The following TRMT5 variants were observed in gnomAD, a reference collection of about 807,000 sequenced individuals.
TRMT5 encodes the protein tRNA methyltransferase 5, also known as tRNA (guanine(37)-N(1))-methyltransferase.
In TRMT5, 31 loss-of-function variants were observed where a neutral mutation model predicts 42.2. That is an observed-to-expected ratio of 0.73 (90% CI 0.55 to 0.99). TRMT5 has a LOEUF of 0.99. Ranked by LOEUF, TRMT5 falls within the 50% of genes least tolerant of loss-of-function variation. The pLI, the probability that TRMT5 is intolerant of heterozygous loss-of-function variation, is 0.00. For synonymous variants in TRMT5, 198 were observed against 209.6 expected (o/e 0.94, Z 0.48); for missense variants, 568 against 595.0 (o/e 0.95, Z 0.47).
intron 1 of TRMT5, 65 bp downstream of exon 1, chr14:60,980,898 G>C (rs780387473): frequency 1.9e-6 from 3 of 1,608,906 alleles, no homozygotes; most frequent in Non-Finnish European, 2.5e-6. Context: ...ACATGGCAGA[G>C]AGCAGCCCTG....
rs143092091 is a variant in TRMT5 at position 60,977,402 on chromosome 14, T to A, written c.792+112A>T. Reference sequence around the variant, plus strand: ...TCAATAGCATACATAAGTGATCACATTCTCACATACTCACCAACACTGGAT... The same window carrying A: ...TCAATAGCATACATAAGTGATCACAATCTCACATACTCACCAACACTGGAT... On this transcript the variant is annotated intron_variant, in intron 3 of 4. Transcript: ENST00000261249. 1,363 of 1,089,894 alleles carry A rather than the reference T, an allele frequency of 1.3e-3. 17 individuals carry two copies. In the African/African-American group the frequency reaches 0.018, roughly 14 times the overall value. The allele number at this position is 1,089,894 out of a possible 1,614,324, so 67.5% of individuals were successfully genotyped here. A position where few individuals can be genotyped will look rare whatever the true frequency, so the allele number is the denominator to read the frequency against.
chr14:60,976,212 G>A (rs2036844880), intron 3 of TRMT5, 86 bp from the exon 4 acceptor site: 2 of 1,431,332 alleles, frequency 1.4e-6, no homozygotes, highest in Non-Finnish European at 1.9e-6. Flanking sequence ...TATACACACA[G>A]GCAAACACAT....
chr14:60,975,648 T>C lies in TRMT5; in HGVS notation c.1271A>G (p.Asp424Gly). ...CCGAACATCCTCAGCAGGGTTAGCATCTTTGGAAAAGCTATAACAATGCAC... is the reference window on the plus strand; with the variant it reads ...CCGAACATCCTCAGCAGGGTTAGCACCTTTGGAAAAGCTATAACAATGCAC... ...PIVHCYSFSK[D>G]ANPAEDVRQR... Residue 424 changes from aspartate to glycine, a missense_variant, in exon 4 of 5, where the codon GAT (aspartate) becomes GGT (glycine). By Grantham distance (94) the Asp-to-Gly change is moderately conservative (BLOSUM62 -1). Coordinates refer to ENST00000261249, the MANE Select transcript of TRMT5 (RefSeq NM_020810.3). 6.2e-7 allele frequency: 1 copy of C among 1,614,200 alleles called. No homozygotes were observed. Among genetic ancestry groups the C allele is most frequent in the East Asian group, 2.2e-5 (1 of 44,888 alleles).
upstream of TRMT5, chr14:60,981,387 G>A (rs1434822877): frequency 1.9e-6 from 3 of 1,588,666 alleles, no homozygotes; most frequent in Non-Finnish European, 2.6e-6. Context: ...AGCAACGTAA[G>A]TGGGCTGTGT....
upstream of TRMT5, chr14:60,981,095 C>T: frequency 6.3e-7 from 1 of 1,594,476 alleles, no homozygotes. Context: ...CATCACTGTT[C>T]GCCGCGAAGA....
chr14:60,979,735 T>A lies in TRMT5; in HGVS notation c.163A>T (p.Lys55Ter). The A allele has an allele frequency of 6.2e-7, 1 of 1,614,154 alleles. No homozygotes were observed. The highest frequency in any genetic ancestry group is 8.5e-7 in the Non-Finnish European group (1 of 1,180,022). Reference sequence around the variant, plus strand: ...GTTTCTGGCATGGTTGAGAATCTTTTTCTTTGACCCAATAAGAAAATACCA... The same window carrying A: ...GTTTCTGGCATGGTTGAGAATCTTTATCTTTGACCCAATAAGAAAATACCA... ...APGIFLLGQR[K>*]RFSTMPETET... The change falls in exon 2 of 5, where the codon AAA becomes TAA. Residue 55 changes from lysine (K) to a stop codon, truncating the protein, a stop_gained. Coordinates refer to ENST00000261249, the MANE Select transcript of TRMT5 (RefSeq NM_020810.3). LOFTEE classifies it high-confidence loss of function.
chr14:60,978,969 A>C (rs1267249237), intron 2 of TRMT5, among the ~76,000 whole-genome samples: 1 of 152,134 alleles, frequency 6.6e-6, no homozygotes, highest in African/African-American at 2.4e-5. Context: ...GTAGCTGCCA[A>C]AGCATGTGAT....
In TRMT5 at chr14:60,978,586, A is replaced by G. The variant is rs558786404; in HGVS notation, c.667+645T>C. Among the ~76,000 whole-genome samples the G allele has an allele frequency of 1.6e-4, 24 of 152,348 alleles. No individual in the cohort carries two copies. In the East Asian group the frequency reaches 4.4e-3, roughly 28 times the overall value. ...ACTGTATGAAAATGTTTCACTTTTA[A>G]TGTATGAGTGCCTCTATGAAAGAAA... On this transcript the variant is annotated intron_variant, in intron 2 of 4. Transcript: ENST00000261249.
rs780920724 is a variant in TRMT5 at position 60,974,618 on chromosome 14, G to C, written c.*491C>G. The C allele has an allele frequency of 2.6e-5, 4 of 152,098 alleles. No individual in the cohort carries two copies. The East Asian group carries it at 7.7e-4, about 29-fold the overall frequency. 9.4% of individuals were successfully genotyped at this position (152,098 alleles called of 1,614,324 possible). A position where few individuals can be genotyped will look rare whatever the true frequency, so the allele number is the denominator to read the frequency against. The stretch of plus-strand genomic sequence containing the variant: ...GATTATTTTTCAACCAATGGAAAAC[G>C]TAAGAACATTATTAGGCCACAGGCC... On this transcript the variant is annotated 3_prime_UTR_variant, in exon 5 of 5. Transcript: ENST00000261249.
rs2036823561 is a variant in TRMT5, at chr14:60,975,052, A to T, written c.*57T>A. On this transcript the variant is annotated 3_prime_UTR_variant, in exon 5 of 5. Transcript: ENST00000261249. The stretch of plus-strand genomic sequence containing the variant: ...AAACCCTAAAATTTTATTAAATAAT[A>T]CAAATTCTATTTCACTACATGTAAG... 7.2e-7 allele frequency: 1 copy of T among 1,391,710 alleles called. No individual in the cohort carries two copies. Among genetic ancestry groups the T allele is most frequent in the Non-Finnish European group, 9.9e-7 (1 of 1,014,900 alleles). 86.2% of individuals were successfully genotyped at this position (1,391,710 alleles called of 1,614,324 possible).
intron 3 of TRMT5, among the ~76,000 whole-genome samples, chr14:60,977,056 C>A (rs2036857302): frequency 6.6e-6 from 1 of 151,992 alleles, no homozygotes; most frequent in Admixed American, 6.6e-5. Context: ...CTTCTCCCAA[C>A]CATATCAGAT....
upstream of TRMT5, chr14:60,981,496 C>T (rs1397887405): frequency 6.5e-6 from 10 of 1,536,156 alleles, no homozygotes; most frequent in Non-Finnish European, 8.7e-6. Flanking sequence ...ATGCTGGAGC[C>T]TGAACCCTGG....
chr14:60,973,853 C>T lies in TRMT5; in HGVS notation c.*1256G>A, dbSNP rs574172669. The T allele has an allele frequency of 2.6e-5, 4 of 152,340 alleles. No individual in the cohort carries two copies. The highest frequency in any genetic ancestry group is 9.6e-5 in the African/African-American group (4 of 41,578). The allele number at this position is 152,340 out of a possible 1,614,324, so 9.4% of individuals were successfully genotyped here. Reference sequence around the variant, plus strand: ...TTCACACCATCAATAAATGGCTTTGCTTGGCTAACAAATGATTGACTTAGA... The same window carrying T: ...TTCACACCATCAATAAATGGCTTTGTTTGGCTAACAAATGATTGACTTAGA... On this transcript the variant is annotated 3_prime_UTR_variant, in exon 5 of 5. Coordinates refer to ENST00000261249, the MANE Select transcript of TRMT5 (RefSeq NM_020810.3).
intron 1 of TRMT5, chr14:60,980,759 G>A (rs1333620644): frequency 1.4e-6 from 1 of 720,446 alleles, no homozygotes; most frequent in African/African-American, 1.8e-5. Flanking sequence ...ATTACTATAA[G>A]TCTCGGTTTT....
At chr14:60,981,420 T>A (rs1157159645), upstream of TRMT5, 1 of 1,555,582 alleles carries the variant, frequency 6.4e-7, no homozygotes, top group Non-Finnish European at 8.7e-7. Context: ...GCTGACGCCC[T>A]CCGGCTTCCC....
chr14:60,975,536 C>G lies in TRMT5; in HGVS notation c.1383G>C (p.Met461Ile). 2 of 1,614,194 alleles carry G rather than the reference C, an allele frequency of 1.2e-6. No homozygotes were observed. Among genetic ancestry groups the G allele is most frequent in the Non-Finnish European group, 8.5e-7 (1 of 1,180,020 alleles). ...LVRNVAPNKE[M>I]LCITFQIPAS... The stretch of plus-strand genomic sequence containing the variant: ...CAGGAATCTGAAACGTGATGCACAG[C>G]ATTTCCTTGTTTGGGGCCACATTTC... The change falls in exon 4 of 5, where the codon ATG (methionine) becomes ATC (isoleucine). Residue 461 changes from methionine to isoleucine, a missense_variant. Met to Ile is a conservative substitution (Grantham distance 10, BLOSUM62 1). Transcript: ENST00000261249.
At position 60,975,061 on chromosome 14, in the gene TRMT5, A is replaced by G. The variant is rs377687615; in HGVS notation, c.*48T>C. On this transcript the variant is annotated 3_prime_UTR_variant, in exon 5 of 5. Transcript: ENST00000261249. ...AATTTTATTAAATAATACAAATTCT[A>G]TTTCACTACATGTAAGTCTGGTAGG... 137 of 1,434,924 alleles carry G rather than the reference A, an allele frequency of 9.5e-5. No homozygotes were observed. The highest frequency in any genetic ancestry group is 1.3e-4 in the Non-Finnish European group (131 of 1,045,340). 88.9% of individuals were successfully genotyped at this position (1,434,924 alleles called of 1,614,324 possible). A position where few individuals can be genotyped will look rare whatever the true frequency, so the allele number is the denominator to read the frequency against.
rs938392255 is a variant in TRMT5 at position 60,974,141 on chromosome 14, A to G, written c.*968T>C. 19 of 152,210 alleles carry G rather than the reference A, an allele frequency of 1.2e-4. No individual in the cohort carries two copies. The highest frequency in any genetic ancestry group is 6.5e-5 in the Admixed American group (1 of 15,282). The allele number at this position is 152,210 out of a possible 1,614,324, so 9.4% of individuals were successfully genotyped here. ...AGTCCACTTTTCTTGTTTTGCTATA[A>G]TAGATATGCTCTGGTAATAAAAAAT... On this transcript the variant is annotated 3_prime_UTR_variant, in exon 5 of 5. Coordinates refer to ENST00000261249, the MANE Select transcript of TRMT5 (RefSeq NM_020810.3).
Position 60,973,049 on chromosome 14 carries a change from C to A in TRMT5, c.*2060G>T, listed in dbSNP as rs1262726983. 6.6e-6 allele frequency: 1 copy of A among 152,166 alleles called. No homozygotes were observed. The highest frequency in any genetic ancestry group is 1.5e-5 in the Non-Finnish European group (1 of 68,054). 9.4% of individuals were successfully genotyped at this position (152,166 alleles called of 1,614,324 possible). On this transcript the variant is annotated 3_prime_UTR_variant, in exon 5 of 5. Coordinates refer to ENST00000261249, the MANE Select transcript of TRMT5 (RefSeq NM_020810.3). ...CCTAGGTCCCTAAAAATGCTGAACTCAGAAAATATACTCACTAAAATTTGT... is the reference window on the plus strand; with the variant it reads ...CCTAGGTCCCTAAAAATGCTGAACTAAGAAAATATACTCACTAAAATTTGT...
Sources: allele counts gnomAD v4.1 joint callset (sites outside exome capture counted in the v4.1 genomes callset), GRCh38; gene constraint gnomAD v4.1.1; transcripts MANE v1.5; gene names NCBI Gene and HGNC (gene_info 2026-07-23, HGNC 2026-07-21).